The following FAM3C variants were observed in gnomAD, a reference collection of about 807,000 sequenced individuals.
FAM3C encodes FAM3 metabolism regulating signaling molecule C.
A neutral mutation model predicts 32.5 loss-of-function variants in FAM3C; 15 were observed. That is an observed-to-expected ratio of 0.46 (90% confidence interval 0.31 to 0.71). The LOEUF is 0.71. Among genes scored for constraint, FAM3C ranks in the 30% least tolerant of loss-of-function variants. The probability of loss-of-function intolerance (pLI) is 0.05; values close to 1 mark genes in which losing one functional copy is unlikely to be tolerated. For missense variants in FAM3C, 175 were observed against 274.4 expected, an observed-to-expected ratio of 0.64 and a Z score of 2.56; for synonymous variants, 75 against 86.1, an observed-to-expected ratio of 0.87 and a Z score of 0.72.
Position 121,364,145 on chromosome 7 carries a change from C to T in FAM3C, c.316G>A (p.Val106Ile). Residue 106 changes from valine (V) to isoleucine (I), a missense_variant, in exon 6 of 10, where the codon GTT (valine) becomes ATT (isoleucine). Transcript: ENST00000359943. ...TTGTTCTTACCATTTGCCAAGGCAA[C>T]ATTGATCCCTCTTCCAACATTATTC... ...VKNNVGRGIN[V>I]ALANGKTGEV... The T allele has an allele frequency of 1.9e-6, 3 of 1,602,342 alleles. No homozygotes were observed. Among genetic ancestry groups the T allele is most frequent in the Non-Finnish European group, 2.6e-6 (3 of 1,169,614 alleles).
rs116194778 is a variant in FAM3C, at chr7:121,368,734, G to A, written c.272+2566C>T. On this transcript the variant is annotated intron_variant, in intron 5 of 9. Transcript: ENST00000359943. ...TGGCCCTAATTCACTTCTCTCCAGAGCTATCCAATCTTAGGGCCTTCGAGC... is the reference window on the plus strand; with the variant it reads ...TGGCCCTAATTCACTTCTCTCCAGAACTATCCAATCTTAGGGCCTTCGAGC... 3.2e-3 allele frequency among the ~76,000 whole-genome samples: 490 copies of A among 152,092 alleles called. 2 individuals carry two copies. Among genetic ancestry groups the A allele is most frequent in the African/African-American group, 0.012 (478 of 41,498 alleles).
chr7:121,393,088 C>T (rs938497822), intron 1 of FAM3C, among the ~76,000 whole-genome samples: 1 of 152,074 alleles, frequency 6.6e-6, no homozygotes. Context: ...TATGGGGTTT[C>T]CTTTTGGGGT....
rs914832855 is a variant in FAM3C at position 121,385,704 on chromosome 7, G to T, written c.-41-2694C>A. ...ACTTCCATTATTTCCTTGGGAAGTGGACTAAATCACATAAACCACAGAAAC... is the reference window on the plus strand; with the variant it reads ...ACTTCCATTATTTCCTTGGGAAGTGTACTAAATCACATAAACCACAGAAAC... On this transcript the variant is annotated intron_variant, in intron 1 of 9. Transcript: ENST00000359943. Among the ~76,000 whole-genome samples, 4 of 152,218 alleles carry T rather than the reference G, an allele frequency of 2.6e-5. No individual in the cohort carries two copies. The South Asian group carries it at 8.3e-4, about 32-fold the overall frequency.
At chr7:121,389,592 A>G (rs897058494) in intron 1 of FAM3C, among the ~76,000 whole-genome samples, 2 of 152,150 alleles carry the variant, frequency 1.3e-5, no homozygotes, top group East Asian at 3.8e-4. Flanking sequence ...AGCATTTCTG[A>G]GTTGGCAGCC....
At chr7:121,370,994 A>G (rs1309219194) in intron 5 of FAM3C, among the ~76,000 whole-genome samples, 2 of 152,204 alleles carry the variant, frequency 1.3e-5, no homozygotes, top group Non-Finnish European at 2.9e-5. Flanking sequence ...AAGGATCAAA[A>G]TTAAATAGCC....
intron 8 of FAM3C, among the ~76,000 whole-genome samples, chr7:121,352,952 T>C (rs11770098): frequency 0.16 from 25,032 of 152,188 alleles, 2,173 homozygotes; most frequent in South Asian, 0.21. Context: ...CAAGAATAAA[T>C]AGTATTGAAA....
chr7:121,364,173 A>G lies in FAM3C; in HGVS notation c.288T>C (p.Val96=), dbSNP rs766668265. The G allele has an allele frequency of 6.3e-7, 1 of 1,594,180 alleles. No homozygotes were observed. The highest frequency in any genetic ancestry group is 1.1e-5 in the South Asian group (1 of 90,528). Residue 96 remains valine (V), a synonymous_variant, in exon 6 of 10, where the codon GTT becomes GTC. Coordinates refer to ENST00000359943, the MANE Select transcript of FAM3C (RefSeq NM_014888.3). ...TGATCCCTCTTCCAACATTATTCTT[A>G]ACACCACTCATTAAACTGAAGGGGG... ...CLEDNVLMSG[V]KNNVGRGINV...
chr7:121,383,038 T>C, intron 1 of FAM3C, 28 bp from the exon 2 acceptor site: 3 of 1,229,152 alleles, frequency 2.4e-6, no homozygotes, highest in Non-Finnish European at 3.6e-6. Flanking sequence ...AAAGCAAATA[T>C]CATTAGCTCT....
intron 8 of FAM3C, among the ~76,000 whole-genome samples, chr7:121,357,903 T>G (rs990483701): frequency 1.3e-5 from 2 of 152,128 alleles, no homozygotes; most frequent in African/African-American, 4.8e-5. Flanking sequence ...TCCCATCAGG[T>G]ATAACAAAAT....
chr7:121,363,010 A>C, intron 6 of FAM3C, 63 bp from the exon 7 acceptor site: 1 of 753,230 alleles, frequency 1.3e-6, no homozygotes. Context: ...TGTAAGACCA[A>C]TAATCTCATC....
At chr7:121,375,176 C>T (rs975550131) in intron 3 of FAM3C, among the ~76,000 whole-genome samples, 1 of 152,156 alleles carries the variant, frequency 6.6e-6, no homozygotes, top group African/African-American at 2.4e-5. Flanking sequence ...GCAATCAGAA[C>T]AAATGTTCAG....
intron 7 of FAM3C, 172 bp downstream of exon 7, chr7:121,362,725 T>C (rs1000631074): frequency 1.4e-5 from 8 of 575,990 alleles, no homozygotes; most frequent in East Asian, 6.8e-5. Flanking sequence ...AGAAAGTATA[T>C]AAAACATGAA....
intron 1 of FAM3C, among the ~76,000 whole-genome samples, chr7:121,388,298 T>C (rs529225338): frequency 6.6e-6 from 1 of 151,572 alleles, no homozygotes; most frequent in Admixed American, 6.6e-5. Context: ...GAGGTGGGTA[T>C]GACTTGATCA....
At chr7:121,377,841 T>C (rs1794269629) in intron 3 of FAM3C, among the ~76,000 whole-genome samples, 1 of 152,228 alleles carries the variant, frequency 6.6e-6, no homozygotes, top group Non-Finnish European at 1.5e-5. Context: ...CTATACAATG[T>C]AGCCGAGGTG....
intron 5 of FAM3C, among the ~76,000 whole-genome samples, chr7:121,365,387 A>G (rs1452354366): frequency 6.6e-6 from 1 of 152,128 alleles, no homozygotes; most frequent in Non-Finnish European, 1.5e-5. Flanking sequence ...TACTTCCTAC[A>G]TTTTTGGTGC....
chr7:121,379,888 G>C (rs1794315377), intron 2 of FAM3C, among the ~76,000 whole-genome samples: 2 of 152,156 alleles, frequency 1.3e-5, no homozygotes, highest in South Asian at 2.1e-4. Context: ...ATGTAGAAAT[G>C]AAAGAGCAAT....
chr7:121,357,559 T>C (rs979384095), intron 8 of FAM3C, among the ~76,000 whole-genome samples: 22 of 152,150 alleles, frequency 1.4e-4, no homozygotes, highest in Non-Finnish European at 2.8e-4. Flanking sequence ...TCCATTTCAG[T>C]ATAAAAGATA....
chr7:121,350,246 C>T lies in FAM3C; in HGVS notation c.*215G>A, dbSNP rs1403531260. ...AACATTGTACTTTTAGGGAAATGTGCGGAGACATGGTTCAGTGATTTGATC... is the reference window on the plus strand; with the variant it reads ...AACATTGTACTTTTAGGGAAATGTGTGGAGACATGGTTCAGTGATTTGATC... On this transcript the variant is annotated 3_prime_UTR_variant, in exon 10 of 10. Coordinates refer to ENST00000359943, the MANE Select transcript of FAM3C (RefSeq NM_014888.3). The T allele has an allele frequency of 7.7e-6, 4 of 520,406 alleles. No homozygotes were observed. The highest frequency in any genetic ancestry group is 2.2e-5 in the South Asian group (1 of 45,122). 32.2% of individuals were successfully genotyped at this position (520,406 alleles called of 1,614,324 possible).
intron 3 of FAM3C, among the ~76,000 whole-genome samples, chr7:121,372,484 T>C (rs1215759192): frequency 4.6e-5 from 7 of 152,298 alleles, no homozygotes; most frequent in Admixed American, 2.0e-4. Context: ...GTGAATATGA[T>C]GGTGTTTAAA....
Sources: allele counts gnomAD v4.1 joint callset (sites outside exome capture counted in the v4.1 genomes callset), GRCh38; gene constraint gnomAD v4.1.1; transcripts MANE v1.5; gene names NCBI Gene and HGNC (gene_info 2026-07-23, HGNC 2026-07-21).